The following EDA variants were observed in gnomAD, a reference collection of about 807,000 sequenced individuals.
EDA encodes ectodysplasin-A.
EDA carries 2 observed loss-of-function variants against 23.6 expected under a neutral mutation model. The observed-to-expected ratio is 0.08, with a 90% confidence interval of 0.03 to 0.27. The LOEUF (loss-of-function observed/expected upper bound fraction) is 0.27. Among genes scored for constraint, EDA ranks in the 10% least tolerant of loss-of-function variants. The pLI, the probability that EDA is intolerant of heterozygous loss-of-function variation, is 1.00. For missense variants in EDA, 229 were observed against 324.2 expected, an observed-to-expected ratio of 0.71 and a Z score of 2.26; for synonymous variants, 131 against 132.0, an observed-to-expected ratio of 0.99 and a Z score of 0.05.
At chrX:69,753,731 G>T (rs966235199) in intron 1 of EDA, among the ~76,000 whole-genome samples, 6 of 111,520 alleles carry the variant, frequency 5.4e-5, no homozygotes, top group East Asian at 2.8e-4. Context: ...AGGTCTCTAA[G>T]GTCTTGCTTT....
intron 1 of EDA, among the ~76,000 whole-genome samples, chrX:69,909,924 C>A (rs2018234164): frequency 9.0e-6 from 1 of 110,920 alleles, no homozygotes; most frequent in African/African-American, 3.3e-5. Context: ...CCTTTTTTAC[C>A]CATTTCTATT....
chrX:69,874,172 C>T (rs1342504168), intron 1 of EDA, among the ~76,000 whole-genome samples: 1 of 110,744 alleles, frequency 9.0e-6, no homozygotes, highest in East Asian at 2.9e-4. Context: ...GTTAGCTGGA[C>T]GTGGTGACAC....
At chrX:69,732,331 A>G (rs1408496567) in intron 1 of EDA, among the ~76,000 whole-genome samples, 1 of 111,368 alleles carries the variant, frequency 9.0e-6, no homozygotes, top group Non-Finnish European at 1.9e-5. Flanking sequence ...ATTCCCACCT[A>G]TGAGTGAGTA....
At chrX:69,887,593 C>T (rs1438381165) in intron 1 of EDA, among the ~76,000 whole-genome samples, 4 of 111,470 alleles carry the variant, frequency 3.6e-5, no homozygotes, top group Non-Finnish European at 7.5e-5. Flanking sequence ...GCTCAAAAGA[C>T]CTCAAATGAA....
At chrX:70,030,692 C>T (rs2296766) in intron 6 of EDA, among the ~76,000 whole-genome samples, 172 bp downstream of exon 6, 2 of 112,138 alleles carry the variant, frequency 1.8e-5, no homozygotes, top group African/African-American at 3.2e-5. Flanking sequence ...CAATTGCTGG[C>T]ATCAAGACCA....
chrX:69,737,146 T>G (rs2013293134), intron 1 of EDA, among the ~76,000 whole-genome samples: 1 of 111,898 alleles, frequency 8.9e-6, no homozygotes, highest in African/African-American at 3.2e-5. Context: ...ATATTTAATG[T>G]GAGTCTCTTA....
At chrX:69,701,844 T>C (rs944191162) in intron 1 of EDA, among the ~76,000 whole-genome samples, 10 of 111,529 alleles carry the variant, frequency 9.0e-5, no homozygotes, top group African/African-American at 3.3e-4. Flanking sequence ...GATGGCAGCA[T>C]CCAAGGGCTT....
intron 1 of EDA, among the ~76,000 whole-genome samples, chrX:69,788,765 C>G (rs1192218983): frequency 2.6e-5 from 3 of 113,324 alleles, no homozygotes; most frequent in Non-Finnish European, 3.7e-5. Context: ...GCCCTGCCCC[C>G]AGAGGTGGAG....
intron 1 of EDA, among the ~76,000 whole-genome samples, chrX:69,912,332 C>T (rs1396256040): frequency 8.9e-6 from 1 of 111,754 alleles, no homozygotes; most frequent in African/African-American, 3.3e-5. Context: ...GACCTGCTTC[C>T]ATGAGTCATG....
At chrX:69,789,524 C>T (rs983282990) in intron 1 of EDA, among the ~76,000 whole-genome samples, 6 of 112,077 alleles carry the variant, frequency 5.4e-5, no homozygotes, top group Non-Finnish European at 9.4e-5. Flanking sequence ...TCCGTATCCA[C>T]GGTCACCATT....
At chrX:69,936,164 A>AT (rs1220253957) in intron 1 of EDA, among the ~76,000 whole-genome samples, 1 of 110,146 alleles carries the variant, frequency 9.1e-6, no homozygotes, top group Non-Finnish European at 1.9e-5. Context: ...TTATCTTTGG[A>AT]TTTTAAAAAA....
intron 1 of EDA, among the ~76,000 whole-genome samples, chrX:69,875,001 G>A (rs2017621860): frequency 8.9e-6 from 1 of 112,036 alleles, no homozygotes; most frequent in Admixed American, 9.5e-5. Flanking sequence ...CAAACAAATG[G>A]TAACACATTC....
At position 69,689,217 on chromosome X, in the gene EDA, T is replaced by A. The variant is rs1444047400; in HGVS notation, c.396+72513T>A. 6.3e-5 allele frequency among the ~76,000 whole-genome samples: 7 copies of A among 110,388 alleles called. No homozygotes were observed. In the East Asian group the frequency reaches 1.7e-3, roughly 26 times the overall value. ...TCGTATAACTGTTCTTCTTTTTTTTTATTTATTATTATTATTATACTTTAA... is the reference window on the plus strand; with the variant it reads ...TCGTATAACTGTTCTTCTTTTTTTTAATTTATTATTATTATTATACTTTAA... On this transcript the variant is annotated intron_variant, in intron 1 of 7. Transcript: ENST00000374552.
At chrX:69,738,626 C>T (rs1315727983) in intron 1 of EDA, among the ~76,000 whole-genome samples, 1 of 108,276 alleles carries the variant, frequency 9.2e-6, no homozygotes, top group Non-Finnish European at 1.9e-5. Context: ...TATACATTTA[C>T]AGCTGTAAAC....
chrX:70,019,169 T>C (rs1454575573), intron 2 of EDA, among the ~76,000 whole-genome samples: 2 of 111,692 alleles, frequency 1.8e-5, no homozygotes, highest in East Asian at 2.8e-4. Flanking sequence ...TCAGAATGGC[T>C]ATTACTAAAA....
At chrX:69,981,331 G>A (rs2019403898) in intron 2 of EDA, among the ~76,000 whole-genome samples, 1 of 111,689 alleles carries the variant, frequency 9.0e-6, no homozygotes, top group Admixed American at 9.5e-5. Flanking sequence ...AACCTGTACT[G>A]TAGAATAGAA....
At chrX:69,732,866 C>T (rs1169252657) in intron 1 of EDA, among the ~76,000 whole-genome samples, 1 of 112,098 alleles carries the variant, frequency 8.9e-6, no homozygotes, top group East Asian at 2.8e-4. Context: ...ATGAGCATTT[C>T]TTCATGTGTC....
At position 69,827,885 on chromosome X, in the gene EDA, C is replaced by A. The variant is rs1258257450; in HGVS notation, c.397-129142C>A. 6.3e-5 allele frequency among the ~76,000 whole-genome samples: 7 copies of A among 111,683 alleles called. No individual in the cohort carries two copies. The South Asian group carries it at 1.5e-3, about 24-fold the overall frequency. ...ATGTACAGATGGGTTTTTGGTGTGGCTGTCCTTTCTGATTGTTAGTCTTCC... is the reference window on the plus strand; with the variant it reads ...ATGTACAGATGGGTTTTTGGTGTGGATGTCCTTTCTGATTGTTAGTCTTCC... On this transcript the variant is annotated intron_variant, in intron 1 of 7. Transcript: ENST00000374552.
intron 1 of EDA, among the ~76,000 whole-genome samples, chrX:69,681,651 G>A (rs1265990019): frequency 9.1e-6 from 1 of 110,093 alleles, no homozygotes; most frequent in Non-Finnish European, 1.9e-5. Context: ...CGTAGTTCTC[G>A]AGCCTTGGTT....
Sources: gnomAD v4.1 joint callset for allele counts (sites outside exome capture counted in the v4.1 genomes callset) on GRCh38, gnomAD v4.1.1 for gene constraint, MANE v1.5 for transcripts, NCBI Gene and HGNC (gene_info 2026-07-23, HGNC 2026-07-21) for gene names.